The following TTN variants were observed in gnomAD, a reference collection of about 807,000 sequenced individuals.
The protein encoded by TTN is titin.
In TTN, 1,525 loss-of-function variants were observed where a neutral mutation model predicts 3,223.0. That is an observed-to-expected ratio of 0.47 (90% CI 0.45 to 0.49). The LOEUF is 0.49. Among genes scored for constraint, TTN ranks in the 20% least tolerant of loss-of-function variants. The probability of loss-of-function intolerance (pLI) is 0.00; values close to 1 mark genes in which losing one functional copy is unlikely to be tolerated. For missense variants in TTN, 40,786 were observed against 43,424.0 expected, an observed-to-expected ratio of 0.94 and a Z score of 5.40; for synonymous variants, 14,094 against 15,161.0, an observed-to-expected ratio of 0.93 and a Z score of 5.17.
intron 274 of TTN, 28 bp downstream of exon 274, chr2:178,608,578 C>A (rs773745225): frequency 6.9e-6 from 11 of 1,595,906 alleles, no homozygotes; most frequent in South Asian, 1.1e-5. Context: ...GGTAAAAAGG[C>A]AAACTTTAGA....
In TTN at chr2:178,618,625, T is replaced by G; in HGVS notation, c.46925A>C (p.Lys15642Thr). 6.2e-7 allele frequency: 1 copy of G among 1,612,336 alleles called. No homozygotes were observed. Among genetic ancestry groups the G allele is most frequent in the South Asian group, 1.1e-5 (1 of 90,886 alleles). Reference sequence around the variant, plus strand: ...GATGAATCCTTCTGCTTTTCCATGTTTGTTCTGAAGCACAATTTTATACCT... The same window carrying G: ...GATGAATCCTTCTGCTTTTCCATGTGTGTTCTGAAGCACAATTTTATACCT... ...KGRYKIVLQN[K>T]HGKAEGFINL... Residue 15642 changes from lysine to threonine, a missense_variant, in exon 251 of 363, where the codon AAA becomes ACA. Coordinates refer to ENST00000589042, the MANE Select transcript of TTN (RefSeq NM_001267550.2).
chr2:178,631,430 T>C, intron 236 of TTN, 130 bp from the exon 237 acceptor site: 1 of 1,001,254 alleles, frequency 1.0e-6, no homozygotes, highest in South Asian at 1.8e-5. Flanking sequence ...TTCAATCATT[T>C]AACCTGTTTA....
chr2:178,570,065 T>G lies in TTN; in HGVS notation c.76067A>C (p.Lys25356Thr), dbSNP rs765495476. The part of the protein sequence containing the change: ...KEGIRWTRCH[K>T]RLIGELRLRV... ...CAGGCGCAACTCTCCAATCAGACGC[T>G]TATGGCATCTTGTCCATCTAATGCC... The change falls in exon 326 of 363, where the codon AAG becomes ACG. Residue 25356 changes from lysine (K) to threonine (T), a missense_variant. Lys to Thr is a moderately conservative substitution (Grantham distance 78). Transcript: ENST00000589042. 6.2e-7 allele frequency: 1 copy of G among 1,613,428 alleles called. No individual in the cohort carries two copies. The highest frequency in any genetic ancestry group is 8.5e-7 in the Non-Finnish European group (1 of 1,179,588).
Position 178,759,080 on chromosome 2 carries a change from T to C in TTN, c.10207A>G (p.Ile3403Val). Residue 3403 changes from isoleucine to valine, a missense_variant, in exon 44 of 363, where the codon ATT (isoleucine) becomes GTT (valine). Transcript: ENST00000589042. The stretch of plus-strand genomic sequence containing the variant: ...TCATCTTCTGGATAAGCTTCGGCAA[T>C]TTCCAGTTGATAAGTGTCTTCAAAT... ...TQFEDTYQLE[I>V]AEAYPEDEGT... 2 of 1,614,048 alleles carry C rather than the reference T, an allele frequency of 1.2e-6. No homozygotes were observed. Among genetic ancestry groups the C allele is most frequent in the Middle Eastern group, 1.7e-4 (1 of 6,056 alleles).
At position 178,652,104 on chromosome 2, in the gene TTN, G is replaced by C. The variant is rs777572812; in HGVS notation, c.39287C>G (p.Pro13096Arg). The C allele has an allele frequency of 5.6e-6, 9 of 1,613,028 alleles. No individual in the cohort carries two copies. The highest frequency in any genetic ancestry group is 6.8e-6 in the Non-Finnish European group (8 of 1,179,698). ...EAIPPKPESP[P>R]PEVFEEPEEV... is the part of the protein sequence containing the mutation. ...AATAGTTTCATTATTACCTTCAGGG[G>C]GAGGACTTTCCGGTTTGGGAGGAAT... Residue 13096 changes from proline to arginine, a missense_variant, in exon 204 of 363, where the codon CCC becomes CGC. By Grantham distance (103) the Pro-to-Arg change is moderately radical (BLOSUM62 -2). Coordinates refer to ENST00000589042, the MANE Select transcript of TTN (RefSeq NM_001267550.2).
chr2:178,734,006 C>A, intron 52 of TTN, 114 bp from the exon 53 acceptor site: 1 of 1,030,958 alleles, frequency 9.7e-7, no homozygotes, highest in Non-Finnish European at 1.3e-6. Context: ...ACTACTATTT[C>A]ATAGTGTTAA....
Position 178,530,106 on chromosome 2 carries a change from T to C in TTN, c.106385A>G (p.Gln35462Arg), listed in dbSNP as rs376392819. 5.6e-6 allele frequency: 9 copies of C among 1,599,488 alleles called. No homozygotes were observed. In the African/African-American group the frequency reaches 1.1e-4, roughly 19 times the overall value. ...TTCAGAGAGTTTATATTTACCTCCTTGTGTAATGGCCTGTAGAATGCAAAT... is the reference window on the plus strand; with the variant it reads ...TTCAGAGAGTTTATATTTACCTCCTCGTGTAATGGCCTGTAGAATGCAAAT... ...IWTKDGKAITQGGKYKLSEDK... is the reference protein window; with the variant it reads ...IWTKDGKAITRGGKYKLSEDK... Residue 35462 changes from glutamine (Q) to arginine (R), a missense_variant, in exon 359 of 363, where the codon CAA becomes CGA. Coordinates refer to ENST00000589042, the MANE Select transcript of TTN (RefSeq NM_001267550.2).
Position 178,624,464 on chromosome 2 carries a change from C to A in TTN, c.44815+1G>T, listed in dbSNP as rs1274007753. On this transcript the variant is annotated splice_donor_variant, in intron 242 of 362. Transcript: ENST00000589042. LOFTEE classifies it high-confidence loss of function. ...AAGTCCTTTGTAAGAAGAATACTTA[C>A]GCACGACATTCAGGTTACAGGAAGT... 6.2e-7 allele frequency: 1 copy of A among 1,611,974 alleles called. No homozygotes were observed.
At chr2:178,580,257 T>C in intron 317 of TTN, 28 bp from the exon 318 acceptor site, 1 of 1,607,212 alleles carries the variant, frequency 6.2e-7, no homozygotes, top group Middle Eastern at 1.7e-4. Flanking sequence ...AAATAAGAAA[T>C]GAATGTGTAA....
rs755706898 is a variant in TTN, at chr2:178,739,892, C to T, written c.13341G>A (p.Ser4447=). The change falls in exon 48 of 363, where the codon TCG becomes TCA. Residue 4447 remains serine, a synonymous_variant. Transcript: ENST00000589042. ...TTACTTCTTCTGTTACAGACTTTGC[C>T]GAAGTAACAAGGTACATGCACATGA... is the stretch of plus-strand genomic sequence containing the variant. ...RHIMCMYLVT[S]AKSVTEEVTI... 1.4e-5 allele frequency: 22 copies of T among 1,613,672 alleles called. No individual in the cohort carries two copies. In the Admixed American group the frequency reaches 1.5e-4, roughly 11 times the overall value.
At chr2:178,585,602 C>CT (rs2048763218) in intron 308 of TTN, among the ~76,000 whole-genome samples, 1 of 152,138 alleles carries the variant, frequency 6.6e-6, no homozygotes, top group Non-Finnish European at 1.5e-5. Context: ...AGCCTCCCAA[C>CT]CCCTGACAGG....
chr2:178,800,162 CTTAATTGAAACCCT>C (rs2093986587), intron 4 of TTN, among the ~76,000 whole-genome samples: 1 of 152,186 alleles, frequency 6.6e-6, no homozygotes, highest in South Asian at 2.1e-4. Context: ...ATGTAGATCA[CTTAATTGAAACCCT>C]TTCCAGTTTA....
intron 301 of TTN, 44 bp downstream of exon 301, chr2:178,592,335 T>A: frequency 6.3e-7 from 1 of 1,597,492 alleles, no homozygotes; most frequent in Non-Finnish European, 8.5e-7. Flanking sequence ...GAGCTCAAAA[T>A]TATCAAAATT....
rs747430905 is a variant in TTN, at chr2:178,568,483, G to A, written c.77649C>T (p.Ile25883=). Residue 25883 remains isoleucine, a synonymous_variant, in exon 326 of 363, where the codon ATC becomes ATT. Coordinates refer to ENST00000589042, the MANE Select transcript of TTN (RefSeq NM_001267550.2). ...ANVVGQKTAS[I]EIVTLDKPDP... ...CAGGTTTATCTAGAGTTACAATTTC[G>A]ATGGATGCTGTCTTCTGACCAACAA... 17 of 1,613,300 alleles carry A rather than the reference G, an allele frequency of 1.1e-5. No individual in the cohort carries two copies. In the East Asian group the frequency reaches 2.5e-4, roughly 23 times the overall value.
chr2:178,595,614 C>G lies in TTN; in HGVS notation c.57740G>C (p.Gly19247Ala). The G allele has an allele frequency of 6.3e-7, 1 of 1,598,154 alleles. No homozygotes were observed. The highest frequency in any genetic ancestry group is 8.5e-7 in the Non-Finnish European group (1 of 1,171,678). The part of the protein sequence containing the change: ...TVTRQNATVQ[G>A]LIQGKAYFFR... ...AAAGTAGGCTTTTCCTTGAATGAGA[C>G]CCTGGACAGTAGCATTTTGTCGGGT... The change falls in exon 295 of 363, where the codon GGT becomes GCT. Residue 19247 changes from glycine to alanine, a missense_variant. By Grantham distance (60) the Gly-to-Ala change is moderately conservative. Coordinates refer to ENST00000589042, the MANE Select transcript of TTN (RefSeq NM_001267550.2).
intron 327 of TTN, 22 bp from the exon 328 acceptor site, chr2:178,558,257 T>C (rs1437228634): frequency 6.3e-7 from 1 of 1,592,140 alleles, no homozygotes; most frequent in Non-Finnish European, 8.5e-7. Flanking sequence ...GTATAGAAAG[T>C]GAAAGTGAAA....
Position 178,537,747 on chromosome 2 carries a change from G to A in TTN, c.99460C>T (p.Arg33154Cys), listed in dbSNP as rs143556947. ...SRKYKMSSDG[R>C]THTLTVMTEE... The stretch of plus-strand genomic sequence containing the variant: ...GTCATTACTGTAAGAGTGTGTGTGC[G>A]TCCATCTGAAGACATTTTGTATTTC... Residue 33154 changes from arginine (R) to cysteine (C), a missense_variant, in exon 355 of 363, where the codon CGC (arginine) becomes TGC (cysteine). Transcript: ENST00000589042. The A allele has an allele frequency of 2.2e-5, 36 of 1,613,708 alleles. No homozygotes were observed. The highest frequency in any genetic ancestry group is 1.7e-4 in the African/African-American group (13 of 74,994).
chr2:178,685,120 C>T (rs1422699301), intron 129 of TTN, 131 bp from the exon 130 acceptor site: 8 of 1,132,286 alleles, frequency 7.1e-6, no homozygotes, highest in South Asian at 6.0e-5. Context: ...TCAGTAAATA[C>T]GTTCATACAT....
In TTN at chr2:178,719,356, C is replaced by G. The variant is rs749655622; in HGVS notation, c.24034G>C (p.Ala8012Pro). 6.2e-7 allele frequency: 1 copy of G among 1,613,802 alleles called. No homozygotes were observed. Among genetic ancestry groups the G allele is most frequent in the Non-Finnish European group, 8.5e-7 (1 of 1,179,766 alleles). ...TGAAACCAGCCAACTGAAATCGGGG[C>G]TGAGCCAGAGACTCGGCACTCCAAA... is the stretch of plus-strand genomic sequence containing the variant. ...VVLECRVSGSAPISVGWFQDG... is the reference protein window; with the variant it reads ...VVLECRVSGSPPISVGWFQDG... Residue 8012 changes from alanine to proline, a missense_variant, in exon 83 of 363, where the codon GCC becomes CCC. Transcript: ENST00000589042.
Sources: allele counts gnomAD v4.1 joint callset (sites outside exome capture counted in the v4.1 genomes callset), GRCh38; gene constraint gnomAD v4.1.1; transcripts MANE v1.5; gene names NCBI Gene and HGNC (gene_info 2026-07-23, HGNC 2026-07-21).